The following PPP6R2 variants were observed in gnomAD, a reference collection of about 807,000 sequenced individuals.
The protein encoded by PPP6R2 is protein phosphatase 6 regulatory subunit 2.
PPP6R2 carries 62 observed loss-of-function variants against 100.2 expected under a neutral mutation model. The ratio of observed to expected loss-of-function variants is 0.62; its 90% CI spans 0.50 to 0.76. The LOEUF (loss-of-function observed/expected upper bound fraction) is 0.76. Among genes scored for constraint, PPP6R2 ranks in the 30% least tolerant of loss-of-function variants. The pLI is 0.00. For missense variants in PPP6R2, 1,142 were observed against 1,276.3 expected (o/e 0.89, Z 1.60); for synonymous variants, 525 against 514.7 (o/e 1.02, Z -0.27).
chr22:50,413,223 A>G (rs772720446), intron 4 of PPP6R2, among the ~76,000 whole-genome samples: 13 of 152,126 alleles, frequency 8.5e-5, no homozygotes, highest in Non-Finnish European at 1.5e-4. Context: ...TCGGCCTCCC[A>G]AAGTGCTGGG....
chr22:50,362,015 G>A (rs541327760), intron 1 of PPP6R2, among the ~76,000 whole-genome samples: 1 of 152,328 alleles, frequency 6.6e-6, no homozygotes, highest in African/African-American at 2.4e-5. Flanking sequence ...GCTCAGTGAT[G>A]GAAACTGGAC....
chr22:50,432,401 C>T (rs2063327757), intron 12 of PPP6R2, 72 bp downstream of exon 12: 5 of 1,379,268 alleles, frequency 3.6e-6, no homozygotes, highest in Non-Finnish European at 3.0e-6. Flanking sequence ...TCACCCAAGC[C>T]CTGGTGACGC....
Position 50,438,715 on chromosome 22 carries a change from C to A in PPP6R2, c.2081C>A (p.Pro694Gln). 1 of 1,612,884 alleles carries A rather than the reference C, an allele frequency of 6.2e-7. No individual in the cohort carries two copies. ...HRDAPGAGAP[P>Q]APGKKEAPPV... ...GATGCACCTGGGGCAGGTGCCCCAC[C>A]GGCCCCCGGGAAGAAGGAAGCGCCC... Residue 694 changes from proline (P) to glutamine (Q), a missense_variant, in exon 19 of 24, where the codon CCG becomes CAG. Around this residue, in one of 2 missense-constraint regions of PPP6R2, gnomAD observed 550 missense variants for 517.4 expected, o/e 1.06. Transcript: ENST00000612753.
In PPP6R2 at chr22:50,372,909, G is replaced by A. The variant is rs373480679; in HGVS notation, c.-17+759G>A. ...TCACCATATTGACCAGGGTGGTCTCGAACTCCTGACCTTGTGATCCGCCCG... is the reference window on the plus strand; with the variant it reads ...TCACCATATTGACCAGGGTGGTCTCAAACTCCTGACCTTGTGATCCGCCCG... On this transcript the variant is annotated intron_variant, in intron 2 of 23. Coordinates refer to ENST00000612753, the MANE Select transcript of PPP6R2 (RefSeq NM_001242898.2). Among the ~76,000 whole-genome samples the A allele has an allele frequency of 4.7e-3, 710 of 152,094 alleles. 5 individuals carry two copies. The highest frequency in any genetic ancestry group is 0.015 in the African/African-American group (627 of 41,508).
intron 2 of PPP6R2, among the ~76,000 whole-genome samples, chr22:50,379,945 A>G (rs2052505159): frequency 6.6e-6 from 1 of 152,222 alleles, no homozygotes; most frequent in South Asian, 2.1e-4. Flanking sequence ...GAATTTCATA[A>G]TACATGAAAA....
At chr22:50,336,370 C>T in the PPP6R2 span, among the ~76,000 whole-genome samples, 2 of 151,934 alleles carry the variant, frequency 1.3e-5, no homozygotes, top group Non-Finnish European at 2.9e-5. Flanking sequence ...TCAGCAGGGT[C>T]ATTATTTTAT....
At chr22:50,350,844 C>CAA (rs532536985) in intron 1 of PPP6R2, among the ~76,000 whole-genome samples, 2 of 125,678 alleles carry the variant, frequency 1.6e-5, no homozygotes, top group Non-Finnish European at 3.5e-5. Flanking sequence ...GACTCCGTCT[C>CAA]AAAAAAAAAA....
chr22:50,380,225 C>CT (rs2052555721), intron 2 of PPP6R2, among the ~76,000 whole-genome samples: 2 of 150,584 alleles, frequency 1.3e-5, no homozygotes, highest in Admixed American at 6.6e-5. Context: ...AGGTGCCAGT[C>CT]TTTTTCTTTT....
intron 20 of PPP6R2, 45 bp from the exon 21 acceptor site, chr22:50,439,916 G>C: frequency 6.2e-7 from 1 of 1,607,422 alleles, no homozygotes; most frequent in East Asian, 2.2e-5. Flanking sequence ...GGGCCAGGAG[G>C]CACCTGTCCC....
chr22:50,398,493 TA>T (rs573757857), intron 3 of PPP6R2, among the ~76,000 whole-genome samples: 20 of 138,406 alleles, frequency 1.4e-4, no homozygotes, highest in African/African-American at 2.9e-4. Flanking sequence ...TTTCTTTATT[TA>T]AAAAAAAAAA....
intron 2 of PPP6R2, chr22:50,393,404 A>C (rs2056062881): frequency 1.0e-6 from 1 of 985,166 alleles, no homozygotes; most frequent in African/African-American, 1.7e-5. Flanking sequence ...TTCAGAGGGG[A>C]GATGTCCAGT....
chr22:50,357,191 A>G (rs79865452), intron 1 of PPP6R2, among the ~76,000 whole-genome samples: 1,616 of 152,188 alleles, frequency 0.011, 11 homozygotes, highest in Non-Finnish European at 0.019. Flanking sequence ...ATTAATATCT[A>G]TTCATGCTTT....
chr22:50,340,751 C>T (rs949276255), upstream of PPP6R2, among the ~76,000 whole-genome samples: 1 of 151,604 alleles, frequency 6.6e-6, no homozygotes, highest in South Asian at 2.1e-4. Context: ...ACAGCAGCAG[C>T]CAACGGCGGG....
chr22:50,332,848 T>C, the PPP6R2 span, among the ~76,000 whole-genome samples: 1 of 152,114 alleles, frequency 6.6e-6, no homozygotes, highest in African/African-American at 2.4e-5. Context: ...GGTCTTGATC[T>C]CTTGACGTCG....
chr22:50,389,714 T>A (rs2055031298), intron 2 of PPP6R2, among the ~76,000 whole-genome samples: 1 of 152,136 alleles, frequency 6.6e-6, no homozygotes, highest in South Asian at 2.1e-4. Context: ...TTCTCCTGCC[T>A]CAGCCTCCCG....
At chr22:50,359,049 G>A (rs1244861385) in intron 1 of PPP6R2, among the ~76,000 whole-genome samples, 1 of 131,050 alleles carries the variant, frequency 7.6e-6, no homozygotes, top group Non-Finnish European at 1.6e-5. Flanking sequence ...TGCCAGGCTG[G>A]AGTTCAGTGG....
chr22:50,438,540 C>CG, intron 18 of PPP6R2, 59 bp from the exon 19 acceptor site: 1 of 1,581,532 alleles, frequency 6.3e-7, no homozygotes, highest in South Asian at 1.1e-5. Flanking sequence ...CCGCCACTGA[C>CG]CCTCCATGTT....
chr22:50,355,543 TAG>T (rs1371373718), intron 1 of PPP6R2, among the ~76,000 whole-genome samples: 14 of 96,322 alleles, frequency 1.5e-4, no homozygotes, highest in African/African-American at 5.3e-4. Context: ...TTTTTTGAGA[TAG>T]AGTCTCGCTC....
chr22:50,444,174 T>C, intron 23 of PPP6R2, 25 bp from the exon 24 acceptor site: 2 of 1,612,584 alleles, frequency 1.2e-6, no homozygotes, highest in South Asian at 2.2e-5. Context: ...GCCCGCACGG[T>C]TCCAACCCCA....
Sources: gnomAD v4.1 joint callset for allele counts (sites outside exome capture counted in the v4.1 genomes callset) on GRCh38, gnomAD v4.1.1 for gene constraint, gnomAD v4.1.1 regional missense constraint, MANE v1.5 for transcripts, NCBI Gene and HGNC (gene_info 2026-07-23, HGNC 2026-07-21) for gene names.